Variants in ATP11A observed in about 807,000 individuals in gnomAD.
The protein encoded by ATP11A is phospholipid-transporting ATPase IH.
ATP11A carries 81 observed loss-of-function variants against 154.4 expected under a neutral mutation model. That is an observed-to-expected ratio of 0.52 (90% confidence interval 0.44 to 0.63). The LOEUF (loss-of-function observed/expected upper bound fraction) is 0.63, where lower values mean the gene tolerates loss of function less well. Among genes scored for constraint, ATP11A ranks in the 30% least tolerant of loss-of-function variants. The probability of loss-of-function intolerance (pLI) is 0.00; values close to 1 mark genes in which losing one functional copy is unlikely to be tolerated. For synonymous variants in ATP11A, 623 were observed against 585.9 expected (o/e 1.06, Z -0.91); for missense variants, 1,316 against 1,474.3 (o/e 0.89, Z 1.76).
Position 112,826,846 on chromosome 13 carries a change from G to A in ATP11A, c.1176G>A (p.Glu392=). The part of the protein sequence containing the change: ...DEDMFDEETG[E]GPLVNTSDLN... ...ACATGTTTGACGAGGAGACTGGCGA[G>A]GGGCCTCTGGTGAACACGTCGGACC... The change falls in exon 12 of 30, where the codon GAG becomes GAA. Residue 392 remains glutamate (E), a synonymous_variant. Coordinates refer to ENST00000375645, the MANE Select transcript of ATP11A (RefSeq NM_015205.3). 1 of 1,614,186 alleles carries A rather than the reference G, an allele frequency of 6.2e-7. No individual in the cohort carries two copies. Among genetic ancestry groups the A allele is most frequent in the Non-Finnish European group, 8.5e-7 (1 of 1,180,040 alleles).
chr13:112,768,160 G>A (rs2077140972), intron 1 of ATP11A, among the ~76,000 whole-genome samples: 1 of 152,166 alleles, frequency 6.6e-6, no homozygotes. Context: ...TTTTATTCCG[G>A]CCTCCCAAGA....
chr13:112,721,679 G>A (rs1347717645), intron 1 of ATP11A, among the ~76,000 whole-genome samples: 1 of 152,234 alleles, frequency 6.6e-6, no homozygotes, highest in Non-Finnish European at 1.5e-5. Context: ...TGGGACGCTG[G>A]TGCTCCCTCT....
At chr13:112,817,569 C>T (rs2078678868) in intron 6 of ATP11A, among the ~76,000 whole-genome samples, 1 of 152,168 alleles carries the variant, frequency 6.6e-6, no homozygotes, top group African/African-American at 2.4e-5. Flanking sequence ...ACCCAGAGAC[C>T]CTGTGAGCCC....
chr13:112,774,171 T>C (rs1438354983), intron 1 of ATP11A, among the ~76,000 whole-genome samples: 2 of 152,248 alleles, frequency 1.3e-5, no homozygotes, highest in African/African-American at 4.8e-5. Flanking sequence ...ATTTTGATTT[T>C]ACTCATTTTT....
At chr13:112,791,217 A>T (rs2077845573) in intron 2 of ATP11A, among the ~76,000 whole-genome samples, 1 of 152,238 alleles carries the variant, frequency 6.6e-6, no homozygotes, top group African/African-American at 2.4e-5. Context: ...CCAGGTGTCC[A>T]CATACGGTGC....
At chr13:112,873,899 G>C (rs913050222) in intron 27 of ATP11A, among the ~76,000 whole-genome samples, 1 of 152,236 alleles carries the variant, frequency 6.6e-6, no homozygotes, top group East Asian at 1.9e-4. Flanking sequence ...GGAGAAAGAC[G>C]CTAACTGATA....
chr13:112,774,151 A>G (rs146865098), intron 1 of ATP11A, among the ~76,000 whole-genome samples: 156 of 152,360 alleles, frequency 1.0e-3, no homozygotes, highest in African/African-American at 3.6e-3. Flanking sequence ...CAAAGGATAG[A>G]CTGCAGGCTA....
intron 29 of ATP11A, 130 bp from the exon 30 acceptor site, chr13:112,881,746 T>G: frequency 1.5e-6 from 2 of 1,330,418 alleles, no homozygotes; most frequent in South Asian, 1.2e-5. Context: ...CATCCCAGAG[T>G]GGCTCAGGTC....
chr13:112,704,271 G>C (rs185395147), intron 1 of ATP11A, among the ~76,000 whole-genome samples: 124 of 152,316 alleles, frequency 8.1e-4, no homozygotes, highest in African/African-American at 2.6e-3. Flanking sequence ...CCCAGTTGTT[G>C]TACGCACAAC....
chr13:112,850,864 G>A (rs1489672596), intron 17 of ATP11A, among the ~76,000 whole-genome samples, 173 bp from the exon 18 acceptor site: 1 of 152,106 alleles, frequency 6.6e-6, no homozygotes, highest in South Asian at 2.1e-4. Context: ...TCAAGATTTG[G>A]TTGGATTATA....
At chr13:112,845,750 A>T (rs2079579744) in intron 17 of ATP11A, among the ~76,000 whole-genome samples, 1 of 121,430 alleles carries the variant, frequency 8.2e-6, no homozygotes, top group African/African-American at 4.0e-5. Context: ...AGCGGTACTA[A>T]CCAGTCCAGT....
intron 2 of ATP11A, among the ~76,000 whole-genome samples, chr13:112,787,264 G>A (rs2077663752): frequency 7.8e-6 from 1 of 128,086 alleles, no homozygotes; most frequent in Non-Finnish European, 1.6e-5. Context: ...GTGTCCTGAT[G>A]CGTAGACTCC....
chr13:112,831,007 A>T (rs2079069025), intron 12 of ATP11A, among the ~76,000 whole-genome samples: 1 of 152,048 alleles, frequency 6.6e-6, no homozygotes, highest in African/African-American at 2.4e-5. Flanking sequence ...GGGACAACCC[A>T]CTTACACTCT....
At chr13:112,878,184 C>G (rs757138068) in intron 28 of ATP11A, 33 bp from the exon 29 acceptor site, 1 of 1,593,562 alleles carries the variant, frequency 6.3e-7, no homozygotes, top group African/African-American at 1.3e-5. Context: ...TTCACACACC[C>G]CTGTGTGCGT....
At chr13:112,777,600 G>A (rs1309190556) in intron 1 of ATP11A, among the ~76,000 whole-genome samples, 1 of 152,136 alleles carries the variant, frequency 6.6e-6, no homozygotes, top group Admixed American at 6.5e-5. Context: ...ATTAAGGGAA[G>A]GAGCCACAGA....
intron 1 of ATP11A, among the ~76,000 whole-genome samples, chr13:112,775,692 C>T (rs189077714): frequency 2.6e-5 from 4 of 151,032 alleles, no homozygotes; most frequent in South Asian, 2.1e-4. Flanking sequence ...GTTTTCTGCA[C>T]GTTTGAATTA....
chr13:112,763,110 G>A (rs961696655), intron 1 of ATP11A, among the ~76,000 whole-genome samples: 2 of 152,206 alleles, frequency 1.3e-5, no homozygotes, highest in Non-Finnish European at 2.9e-5. Context: ...TTCTTCCTTC[G>A]TGATAATTTC....
rs564195146 is a variant in ATP11A at position 112,773,899 on chromosome 13, G to A, written c.40-11236G>A. ...CACCCTCCACCCTCCACCCCACCTC[G>A]TGCCTTCCCAGGGAAGTCCTGCCTG... On this transcript the variant is annotated intron_variant, in intron 1 of 29. Coordinates refer to ENST00000375645, the MANE Select transcript of ATP11A (RefSeq NM_015205.3). 1.0e-4 allele frequency among the ~76,000 whole-genome samples: 14 copies of A among 136,830 alleles called. No individual in the cohort carries two copies. The South Asian group carries it at 3.4e-3, about 33-fold the overall frequency. 89.8% of individuals were successfully genotyped at this position (136,830 alleles called of 152,430 possible). A position where few individuals can be genotyped will look rare whatever the true frequency, so the allele number is the denominator to read the frequency against.
Position 112,875,737 on chromosome 13 carries a change from T to C in ATP11A, c.3162-39T>C, listed in dbSNP as rs767942638. The C allele has an allele frequency of 1.2e-6, 2 of 1,601,228 alleles. No individual in the cohort carries two copies. Among genetic ancestry groups the C allele is most frequent in the Non-Finnish European group, 1.7e-6 (2 of 1,171,606 alleles). ...GAGTAGAGAGGCCAGCCCCAGGGAG[T>C]ACATGCCTCACCAGCGGCTTCTCTT... On this transcript the variant is annotated intron_variant, in intron 27 of 29. Transcript: ENST00000375645. The surrounding 1 kb of genome is among the most constrained non-coding windows in gnomAD (Gnocchi z 4.1).
Sources: gnomAD v4.1 joint callset for allele counts (sites outside exome capture counted in the v4.1 genomes callset) on GRCh38, gnomAD v4.1.1 for gene constraint, Gnocchi (gnomAD v3.1) non-coding constraint, MANE v1.5 for transcripts, NCBI Gene and HGNC (gene_info 2026-07-23, HGNC 2026-07-21) for gene names.